VAV3: variants seen among roughly 807,000 people sequenced by gnomAD.
VAV3 encodes the protein guanine nucleotide exchange factor VAV3.
A neutral mutation model predicts 131.2 loss-of-function variants in VAV3; 94 were observed. That is an observed-to-expected ratio of 0.72 (90% CI 0.61 to 0.85). The LOEUF is 0.85. Among genes scored for constraint, VAV3 ranks in the 40% least tolerant of loss-of-function variants. The pLI is 0.00. For synonymous variants in VAV3, 349 were observed against 342.0 expected, an observed-to-expected ratio of 1.02 and a Z score of -0.22; for missense variants, 939 against 1,002.7, an observed-to-expected ratio of 0.94 and a Z score of 0.86.
At chr1:107,873,643 C>T (rs1454125143) in intron 2 of VAV3, among the ~76,000 whole-genome samples, 1 of 152,246 alleles carries the variant, frequency 6.6e-6, no homozygotes, top group African/African-American at 2.4e-5. Flanking sequence ...GCTTTCAGTT[C>T]GTTGTACAAA....
In VAV3 at chr1:107,771,353, C is replaced by T. The variant is rs532554917; in HGVS notation, c.556-625G>A. ...CTGCAACCTCTGCCTCCTGGGTTCACGCCATTCTCCTGCCTCAGCTTCCCA... is the reference window on the plus strand; with the variant it reads ...CTGCAACCTCTGCCTCCTGGGTTCATGCCATTCTCCTGCCTCAGCTTCCCA... On this transcript the variant is annotated intron_variant, in intron 5 of 26. Transcript: ENST00000370056. Among the ~76,000 whole-genome samples, 339 of 151,692 alleles carry T rather than the reference C, an allele frequency of 2.2e-3. 1 individual carries two copies. Among genetic ancestry groups the T allele is most frequent in the Middle Eastern group, 3.4e-3 (1 of 294 alleles).
At chr1:107,742,185 G>A (rs1004468854) in intron 15 of VAV3, among the ~76,000 whole-genome samples, 1 of 152,086 alleles carries the variant, frequency 6.6e-6, no homozygotes, top group Admixed American at 6.5e-5. Flanking sequence ...TCCTCCAAAG[G>A]GCTGTTGTAA....
chr1:107,898,482 C>A (rs1571111961), intron 1 of VAV3, among the ~76,000 whole-genome samples: 1 of 152,110 alleles, frequency 6.6e-6, no homozygotes, highest in South Asian at 2.1e-4. Flanking sequence ...CCCTACATAC[C>A]AAGCCTTTAG....
At chr1:107,693,395 A>T (rs1659556156) in intron 17 of VAV3, among the ~76,000 whole-genome samples, 2 of 152,194 alleles carry the variant, frequency 1.3e-5, no homozygotes, top group African/African-American at 2.4e-5. Context: ...TCATACTTCA[A>T]ATGCACTTGA....
chr1:107,690,092 C>G (rs963820190), intron 17 of VAV3, among the ~76,000 whole-genome samples: 3 of 152,180 alleles, frequency 2.0e-5, no homozygotes, highest in Admixed American at 1.3e-4. Flanking sequence ...AACCTCAGCT[C>G]TTTTGGGTTC....
At chr1:107,938,760 G>C (rs1028367168) in intron 1 of VAV3, among the ~76,000 whole-genome samples, 1 of 152,128 alleles carries the variant, frequency 6.6e-6, no homozygotes, top group Non-Finnish European at 1.5e-5. Flanking sequence ...CATTTAATGA[G>C]CACTTACAGA....
intron 15 of VAV3, among the ~76,000 whole-genome samples, chr1:107,738,301 T>C (rs760113597): frequency 5.9e-5 from 9 of 152,120 alleles, no homozygotes; most frequent in African/African-American, 9.7e-5. Context: ...CATGTATACA[T>C]ACGTAACAAA....
rs767367610 is a variant in VAV3, at chr1:107,573,260, C to T, written c.*71G>A. 2.1e-5 allele frequency: 32 copies of T among 1,549,384 alleles called. No individual in the cohort carries two copies. The highest frequency in any genetic ancestry group is 3.5e-5 in the South Asian group (3 of 85,406). On this transcript the variant is annotated 3_prime_UTR_variant, in exon 27 of 27. Coordinates refer to ENST00000370056, the MANE Select transcript of VAV3 (RefSeq NM_006113.5). ...CTTTTTAAACACTTCAGTTAATTCA[C>T]GATGCTGTGCAGGCTTCTATTTATC... is the stretch of plus-strand genomic sequence containing the variant.
chr1:107,735,898 C>T (rs1269536078), intron 15 of VAV3, among the ~76,000 whole-genome samples: 1 of 151,946 alleles, frequency 6.6e-6, no homozygotes, highest in East Asian at 1.9e-4. Context: ...AGTGACACAA[C>T]AACAAAAAAA....
intron 22 of VAV3, among the ~76,000 whole-genome samples, chr1:107,603,447 A>G (rs1407068147): frequency 6.6e-6 from 1 of 152,174 alleles, no homozygotes; most frequent in Non-Finnish European, 1.5e-5. Flanking sequence ...TTGGGTAAAA[A>G]GACAGTTGTG....
At chr1:107,724,632 G>T (rs1411141846) in intron 15 of VAV3, among the ~76,000 whole-genome samples, 27 of 152,084 alleles carry the variant, frequency 1.8e-4, no homozygotes, top group Admixed American at 1.6e-3. Flanking sequence ...AGGATGGGGG[G>T]TGGCACAGGA....
intron 15 of VAV3, among the ~76,000 whole-genome samples, chr1:107,708,132 G>C (rs1465606340): frequency 1.3e-5 from 2 of 152,166 alleles, no homozygotes; most frequent in Non-Finnish European, 2.9e-5. Context: ...ACATGAGATA[G>C]GTTGGCAGGG....
Position 107,952,468 on chromosome 1 carries a change from T to TTATATATATATATATATATATATATATA in VAV3, c.204+12197_204+12198insTATATATATATATATATATATATATATA, listed in dbSNP as rs1161088981. On this transcript the variant is annotated intron_variant, in intron 1 of 26. Coordinates refer to ENST00000370056, the MANE Select transcript of VAV3 (RefSeq NM_006113.5). Reference sequence around the variant, plus strand: ...TGTGCCCCGAACTTATAACAAAACTTTATATATATATATATATACACACAT... The same window carrying TTATATATATATATATATATATATATATA: ...TGTGCCCCGAACTTATAACAAAACTTTATATATATATATATATATATATATATATATATATATATATATATACACACAT... Among the ~76,000 whole-genome samples the TTATATATATATATATATATATATATATA allele has an allele frequency of 1.3e-3, 149 of 118,738 alleles. 4 individuals carry two copies. The highest frequency in any genetic ancestry group is 3.9e-3 in the East Asian group (14 of 3,552). 77.9% of individuals were successfully genotyped at this position (118,738 alleles called of 152,430 possible). A position where few individuals can be genotyped will look rare whatever the true frequency, so the allele number is the denominator to read the frequency against.
At chr1:107,892,566 A>G (rs1270046642) in intron 1 of VAV3, among the ~76,000 whole-genome samples, 1 of 151,372 alleles carries the variant, frequency 6.6e-6, no homozygotes, top group Non-Finnish European at 1.5e-5. Flanking sequence ...TTCTTTAACC[A>G]ACATTTCATC....
intron 1 of VAV3, among the ~76,000 whole-genome samples, chr1:107,955,927 C>T (rs2101373587): frequency 6.6e-6 from 1 of 152,348 alleles, no homozygotes; most frequent in East Asian, 1.9e-4. Flanking sequence ...TAGTCGCTCT[C>T]CATCACACCC....
chr1:107,939,008 T>C (rs1310847707), intron 1 of VAV3, among the ~76,000 whole-genome samples: 3 of 152,312 alleles, frequency 2.0e-5, no homozygotes, highest in South Asian at 2.1e-4. Flanking sequence ...CTCACTTCCA[T>C]TTTCTGTTAC....
chr1:107,646,343 C>G (rs1017349162), intron 19 of VAV3, among the ~76,000 whole-genome samples: 1 of 151,984 alleles, frequency 6.6e-6, no homozygotes, highest in South Asian at 2.1e-4. Context: ...TAGTTTCTCT[C>G]CACTCCAGAA....
At chr1:107,882,990 A>G (rs922072268) in intron 1 of VAV3, among the ~76,000 whole-genome samples, 3 of 152,202 alleles carry the variant, frequency 2.0e-5, no homozygotes, top group African/African-American at 7.2e-5. Flanking sequence ...TCATCAGTTC[A>G]CTAAACCAAA....
intron 1 of VAV3, among the ~76,000 whole-genome samples, chr1:107,926,236 G>A (rs1010406547): frequency 2.0e-5 from 3 of 152,054 alleles, no homozygotes; most frequent in African/African-American, 4.8e-5. Flanking sequence ...AGCCAAGATC[G>A]TGCCACTGCA....
Sources: allele counts gnomAD v4.1 joint callset (sites outside exome capture counted in the v4.1 genomes callset), GRCh38; gene constraint gnomAD v4.1.1; transcripts MANE v1.5; gene names NCBI Gene and HGNC (gene_info 2026-07-23, HGNC 2026-07-21).